LARP4: variants seen among roughly 807,000 people sequenced by gnomAD.
LARP4 encodes the protein la-related protein 4.
In LARP4, 29 loss-of-function variants were observed where a neutral mutation model predicts 92.9. That is an observed-to-expected ratio of 0.31 (90% CI 0.23 to 0.43). LARP4 has a LOEUF of 0.43. Among genes scored for constraint, LARP4 ranks in the 20% least tolerant of loss-of-function variants. The probability of loss-of-function intolerance (pLI) is 1.00; values close to 1 mark genes in which losing one functional copy is unlikely to be tolerated. For missense variants in LARP4, 732 were observed against 860.0 expected (o/e 0.85, Z 1.86); for synonymous variants, 279 against 284.1 (o/e 0.98, Z 0.18).
chr12:50,444,765 T>C (rs1253525210), intron 8 of LARP4, among the ~76,000 whole-genome samples: 12 of 152,234 alleles, frequency 7.9e-5, no homozygotes, highest in Non-Finnish European at 1.8e-4. Flanking sequence ...TAAGAGGCAG[T>C]GCTTCATTCT....
intron 15 of LARP4, among the ~76,000 whole-genome samples, chr12:50,474,498 C>T (rs1027531885): frequency 2.0e-5 from 3 of 152,148 alleles, no homozygotes; most frequent in Non-Finnish European, 4.4e-5. Flanking sequence ...CAGGTGCCCA[C>T]CACTATGCCT....
intron 6 of LARP4, among the ~76,000 whole-genome samples, chr12:50,440,052 G>A (rs1162668130): frequency 2.6e-5 from 4 of 152,272 alleles, no homozygotes; most frequent in South Asian, 4.1e-4. Context: ...AAAGGACAGG[G>A]GAGATTTCAC....
At chr12:50,445,621 TTTG>T (rs973401160) in intron 8 of LARP4, among the ~76,000 whole-genome samples, 5 of 152,106 alleles carry the variant, frequency 3.3e-5, no homozygotes, top group African/African-American at 7.2e-5. Context: ...TCAACCTATT[TTTG>T]TTGTTGTTGT....
intron 1 of LARP4, among the ~76,000 whole-genome samples, chr12:50,422,022 T>C (rs895205736): frequency 1.3e-5 from 2 of 151,296 alleles, no homozygotes; most frequent in African/African-American, 4.9e-5. Context: ...CAGGTTGGAG[T>C]GCAGTGGCGT....
rs1957773130 is a variant in LARP4, at chr12:50,479,874, T to C, written c.*4010T>C. ...GTTGTCAAAACTGTTACCCCCAAAA[T>C]TGGTGTGACACATGCTCATGCATAA... On this transcript the variant is annotated 3_prime_UTR_variant, in exon 16 of 16. Transcript: ENST00000398473. The C allele has an allele frequency of 6.5e-6, 1 of 152,728 alleles. No individual in the cohort carries two copies. Among genetic ancestry groups the C allele is most frequent in the East Asian group, 1.9e-4 (1 of 5,194 alleles). The allele number at this position is 152,728 out of a possible 1,614,324, so 9.5% of individuals were successfully genotyped here.
intron 10 of LARP4, among the ~76,000 whole-genome samples, chr12:50,459,270 A>G (rs913395584): frequency 1.3e-5 from 2 of 152,090 alleles, no homozygotes; most frequent in Non-Finnish European, 2.9e-5. Flanking sequence ...AAGTTCTGGG[A>G]TTACAGGCGT....
chr12:50,428,590 G>A (rs1312742669), intron 2 of LARP4, among the ~76,000 whole-genome samples: 4 of 151,950 alleles, frequency 2.6e-5, no homozygotes, highest in South Asian at 4.1e-4. Flanking sequence ...TCGACCTTGG[G>A]CAAATAACTT....
intron 8 of LARP4, among the ~76,000 whole-genome samples, chr12:50,444,613 G>A (rs961244831): frequency 1.3e-5 from 2 of 152,130 alleles, no homozygotes; most frequent in African/African-American, 4.8e-5. Flanking sequence ...AGGCCAACCT[G>A]TAAGGTTCTG....
At chr12:50,426,522 A>G (rs1203664730) in intron 1 of LARP4, among the ~76,000 whole-genome samples, 2 of 152,084 alleles carry the variant, frequency 1.3e-5, no homozygotes, top group Non-Finnish European at 2.9e-5. Flanking sequence ...TTTTGAAACA[A>G]TAATAAAGAT....
chr12:50,458,349 C>G (rs1439136558), intron 10 of LARP4, among the ~76,000 whole-genome samples: 1 of 152,094 alleles, frequency 6.6e-6, no homozygotes, highest in Non-Finnish European at 1.5e-5. Flanking sequence ...CCAGGGTGGT[C>G]TTGATCTCTT....
At chr12:50,469,744 A>G (rs985047126) in intron 13 of LARP4, among the ~76,000 whole-genome samples, 1 of 151,596 alleles carries the variant, frequency 6.6e-6, no homozygotes, top group African/African-American at 2.4e-5. Flanking sequence ...CCCCGTCTCT[A>G]CTAAAAATAG....
intron 10 of LARP4, among the ~76,000 whole-genome samples, chr12:50,455,448 G>A (rs762719753): frequency 3.3e-5 from 5 of 152,112 alleles, no homozygotes; most frequent in South Asian, 4.1e-4. Context: ...ATTACTTCTC[G>A]TTTGCTGTTT....
intron 5 of LARP4, among the ~76,000 whole-genome samples, chr12:50,436,176 A>ATG (rs1353132831): frequency 8.2e-3 from 106 of 12,914 alleles, no homozygotes; most frequent in Non-Finnish European, 0.046. Context: ...GTGTGTATGT[A>ATG]TATATATATA....
At chr12:50,473,975 A>C in intron 14 of LARP4, 24 bp from the exon 15 acceptor site, 3 of 1,601,838 alleles carry the variant, frequency 1.9e-6, no homozygotes, top group South Asian at 2.2e-5. Context: ...TTCTGAGTCT[A>C]ATTGCAAGCT....
At position 50,445,167 on chromosome 12, in the gene LARP4, G is replaced by A. The variant is rs558786249; in HGVS notation, c.804+3524G>A. ...GATCCCCCCACTAAGGCCTCCCAAAGTGTTGGGACTATAGACGTGAGCCAC... is the reference window on the plus strand; with the variant it reads ...GATCCCCCCACTAAGGCCTCCCAAAATGTTGGGACTATAGACGTGAGCCAC... On this transcript the variant is annotated intron_variant, in intron 8 of 15. Coordinates refer to ENST00000398473, the MANE Select transcript of LARP4 (RefSeq NM_052879.5). Among the ~76,000 whole-genome samples, 8 of 152,252 alleles carry A rather than the reference G, an allele frequency of 5.3e-5. No individual in the cohort carries two copies. In the South Asian group the frequency reaches 1.7e-3, roughly 32 times the overall value.
At chr12:50,446,367 C>G (rs1593187942) in intron 8 of LARP4, among the ~76,000 whole-genome samples, 8 of 2,200 alleles carry the variant, frequency 3.6e-3, no homozygotes, top group Non-Finnish European at 4.8e-3. Flanking sequence ...CTCTCTCTCT[C>G]TCTCTCTCTC....
chr12:50,462,786 C>T (rs1270386731), intron 12 of LARP4, among the ~76,000 whole-genome samples, 156 bp downstream of exon 12: 1 of 152,034 alleles, frequency 6.6e-6, no homozygotes, highest in Admixed American at 6.6e-5. Flanking sequence ...TTTTTACCAC[C>T]ACCACCCATA....
intron 8 of LARP4, among the ~76,000 whole-genome samples, chr12:50,447,212 G>GAA (rs1952351921): frequency 1.3e-5 from 2 of 152,060 alleles, no homozygotes; most frequent in Non-Finnish European, 2.9e-5. Context: ...TTCGGATTTG[G>GAA]GATACTCAAC....
chr12:50,457,935 CTTTTT>C, intron 10 of LARP4, among the ~76,000 whole-genome samples: 1 of 140,146 alleles, frequency 7.1e-6, no homozygotes, highest in Admixed American at 7.1e-5. Context: ...CTCAACCCAA[CTTTTT>C]TTTTTTTTTT....
Sources: gnomAD v4.1 joint callset for allele counts (sites outside exome capture counted in the v4.1 genomes callset) on GRCh38, gnomAD v4.1.1 for gene constraint, MANE v1.5 for transcripts, NCBI Gene and HGNC (gene_info 2026-07-23, HGNC 2026-07-21) for gene names.